The following COL4A4 variants were observed in gnomAD, a reference collection of about 807,000 sequenced individuals.
The protein encoded by COL4A4 is collagen alpha-4(IV) chain.
A neutral mutation model predicts 192.9 loss-of-function variants in COL4A4; 105 were observed. The ratio of observed to expected loss-of-function variants is 0.54; its 90% CI spans 0.46 to 0.64. The LOEUF (loss-of-function observed/expected upper bound fraction) is 0.64. COL4A4 is among the 30% of genes least tolerant of loss of function. The probability of loss-of-function intolerance (pLI) is 0.00; values close to 1 mark genes in which losing one functional copy is unlikely to be tolerated. For missense variants in COL4A4, 1,967 were observed against 2,169.3 expected, an observed-to-expected ratio of 0.91 and a Z score of 1.85; for synonymous variants, 762 against 769.9, an observed-to-expected ratio of 0.99 and a Z score of 0.17.
chr2:227,071,668 A>G (rs935836418), intron 25 of COL4A4, among the ~76,000 whole-genome samples: 2 of 152,122 alleles, frequency 1.3e-5, no homozygotes, highest in Admixed American at 1.3e-4. Context: ...GTCTCAATAA[A>G]TTTTTTAAAA....
At chr2:227,094,537 G>A (rs1238261045) in intron 19 of COL4A4, among the ~76,000 whole-genome samples, 3 of 152,130 alleles carry the variant, frequency 2.0e-5, no homozygotes, top group Non-Finnish European at 4.4e-5. Flanking sequence ...GGTTCCCAGG[G>A]GCTGGGGGAA....
intron 44 of COL4A4, among the ~76,000 whole-genome samples, chr2:227,020,112 T>C (rs1231915069): frequency 1.3e-5 from 2 of 152,206 alleles, no homozygotes; most frequent in African/African-American, 4.8e-5. Flanking sequence ...TACCACCTAG[T>C]AGCATACTTT....
chr2:227,061,856 G>A (rs953400156), intron 26 of COL4A4, among the ~76,000 whole-genome samples: 2 of 152,122 alleles, frequency 1.3e-5, no homozygotes, highest in African/African-American at 4.8e-5. Context: ...CTGATCAAAT[G>A]TTGGTTCTCT....
At chr2:227,111,600 G>A (rs1428900838) in intron 9 of COL4A4, 78 bp downstream of exon 9, 3 of 1,467,698 alleles carry the variant, frequency 2.0e-6, no homozygotes, top group African/African-American at 2.8e-5. Flanking sequence ...TATGTAGCTG[G>A]CTTTGCTGGG....
rs1352627433 is a variant in COL4A4, at chr2:227,123,069, T to C, written c.193-1921A>G. Among the ~76,000 whole-genome samples, 1 of 152,128 alleles carries C rather than the reference T, an allele frequency of 6.6e-6. No homozygotes were observed. Among genetic ancestry groups the C allele is most frequent in the African/African-American group, 2.4e-5 (1 of 41,418 alleles). On this transcript the variant is annotated intron_variant, in intron 4 of 47. Coordinates refer to ENST00000396625, the MANE Select transcript of COL4A4 (RefSeq NM_000092.5). The surrounding 1 kb of genome is among the most constrained non-coding windows in gnomAD (Gnocchi z 4.6). ...TAGTAGAGACTGGGTTTCAGTATGTTGGCCAGGCTGGTCTCGAACTCCTGA... is the reference window on the plus strand; with the variant it reads ...TAGTAGAGACTGGGTTTCAGTATGTCGGCCAGGCTGGTCTCGAACTCCTGA...
At chr2:227,019,476 G>A (rs1965561706) in intron 44 of COL4A4, among the ~76,000 whole-genome samples, 1 of 152,120 alleles carries the variant, frequency 6.6e-6, no homozygotes, top group Admixed American at 6.5e-5. Context: ...TGGTTATTAG[G>A]CCAACCAGCC....
chr2:227,064,093 G>A (rs907409849), intron 25 of COL4A4, among the ~76,000 whole-genome samples: 3 of 152,074 alleles, frequency 2.0e-5, no homozygotes, highest in Non-Finnish European at 4.4e-5. Flanking sequence ...TAGCTTCCAT[G>A]ATTTTATGTG....
intron 12 of COL4A4, 36 bp from the exon 13 acceptor site, chr2:227,104,088 T>A: frequency 6.4e-7 from 1 of 1,569,870 alleles, no homozygotes; most frequent in Non-Finnish European, 8.7e-7. Flanking sequence ...AAATTTCATA[T>A]TAATTTATGT....
Position 227,008,128 on chromosome 2 carries a change from C to G in COL4A4, c.4699G>C (p.Ala1567Pro). Residue 1567 changes from alanine (A) to proline (P), a missense_variant, in exon 47 of 48, where the codon GCG becomes CCG. Coordinates refer to ENST00000396625, the MANE Select transcript of COL4A4 (RefSeq NM_000092.5). The part of the protein sequence containing the change: ...EAIRPYVSRC[A>P]VCEAPAQAVA... Reference sequence around the variant, plus strand: ...GCCTGGGCCGGGGCCTCGCATACCGCACAGCGGCTGACATAGGGGCGGATC... The same window carrying G: ...GCCTGGGCCGGGGCCTCGCATACCGGACAGCGGCTGACATAGGGGCGGATC... 6.2e-7 allele frequency: 1 copy of G among 1,614,032 alleles called. No individual in the cohort carries two copies. Among genetic ancestry groups the G allele is most frequent in the Non-Finnish European group, 8.5e-7 (1 of 1,179,952 alleles).
At chr2:227,029,528 C>T (rs1967796456) in intron 41 of COL4A4, among the ~76,000 whole-genome samples, 1 of 152,164 alleles carries the variant, frequency 6.6e-6, no homozygotes, top group South Asian at 2.1e-4. Flanking sequence ...TTATCTGTGA[C>T]CTAATCTTTT....
chr2:227,089,587 C>CTATATATATA (rs1284003513), intron 21 of COL4A4, among the ~76,000 whole-genome samples: 1 of 62,098 alleles, frequency 1.6e-5, no homozygotes, highest in Non-Finnish European at 3.7e-5. Context: ...GGCAAATGTT[C>CTATATATATA]CATATATATA....
At chr2:227,131,543 A>G (rs957211583) in intron 4 of COL4A4, among the ~76,000 whole-genome samples, 1 of 152,044 alleles carries the variant, frequency 6.6e-6, no homozygotes, top group Non-Finnish European at 1.5e-5. Context: ...CAGTCCCTCA[A>G]ACATGCTAGC....
chr2:227,045,105 AAAAATACC>A (rs1281167569), intron 35 of COL4A4, among the ~76,000 whole-genome samples: 5 of 152,242 alleles, frequency 3.3e-5, no homozygotes, highest in Non-Finnish European at 7.3e-5. Context: ...GGGTTTACAT[AAAAATACC>A]AGTAAGTATG....
chr2:227,121,561 C>CAA (rs766680844), intron 4 of COL4A4, among the ~76,000 whole-genome samples: 1,770 of 58,790 alleles, frequency 0.03, 44 homozygotes, highest in African/African-American at 0.069. Context: ...GACCCTATCT[C>CAA]AAAAAAAAAA....
At chr2:227,146,349 CCA>C (rs951975707) in intron 2 of COL4A4, among the ~76,000 whole-genome samples, 1 of 152,028 alleles carries the variant, frequency 6.6e-6, no homozygotes, top group African/African-American at 2.4e-5. Context: ...CACGTCCACC[CCA>C]AATCAGTTAA....
intron 37 of COL4A4, among the ~76,000 whole-genome samples, chr2:227,040,937 T>C (rs559008704): frequency 8.4e-4 from 128 of 152,262 alleles, no homozygotes; most frequent in African/African-American, 3.0e-3. Context: ...GGCATAAAGA[T>C]TTATTAATGA....
At chr2:226,991,465 C>T in the COL4A4 span, among the ~76,000 whole-genome samples, 2 of 152,220 alleles carry the variant, frequency 1.3e-5, no homozygotes, top group Non-Finnish European at 2.9e-5. Flanking sequence ...CAGGCATGAG[C>T]CACCATGCCC....
Position 227,087,055 on chromosome 2 carries a change from C to A in COL4A4, c.1623+1598G>T, listed in dbSNP as rs372480265. On this transcript the variant is annotated intron_variant, in intron 22 of 47. Transcript: ENST00000396625. ...TGGGGCTTGATGGTCAAGTTCCAGG[C>A]CATCCCAGGATTGAGCCTTGTTAAT... is the stretch of plus-strand genomic sequence containing the variant. 6.6e-5 allele frequency among the ~76,000 whole-genome samples: 10 copies of A among 152,254 alleles called. No homozygotes were observed. The East Asian group carries it at 1.5e-3, about 24-fold the overall frequency.
chr2:227,066,095 C>T (rs931820430), intron 25 of COL4A4, among the ~76,000 whole-genome samples: 15 of 152,114 alleles, frequency 9.9e-5, no homozygotes, highest in Admixed American at 2.6e-4. Context: ...CCTCAGGAGC[C>T]GATGCGATCA....
Sources: allele counts gnomAD v4.1 joint callset (sites outside exome capture counted in the v4.1 genomes callset), GRCh38; gene constraint gnomAD v4.1.1; non-coding constraint Gnocchi (gnomAD v3.1); transcripts MANE v1.5; gene names NCBI Gene and HGNC (gene_info 2026-07-23, HGNC 2026-07-21).